Variants in LCT observed in about 807,000 individuals in gnomAD.
LCT encodes lactase.
Under a neutral mutation model 173.0 loss-of-function variants are expected in LCT, and 90 were observed. That is an observed-to-expected ratio of 0.52 (90% confidence interval 0.44 to 0.62). The LOEUF (loss-of-function observed/expected upper bound fraction) is 0.62. Among genes scored for constraint, LCT ranks in the 20% least tolerant of loss-of-function variants. LCT has a pLI of 0.00. For synonymous variants in LCT, 853 were observed against 957.6 expected (o/e 0.89, Z 2.02); for missense variants, 1,864 against 2,431.4 (o/e 0.77, Z 4.91).
chr2:135,817,769 C>T lies in LCT; in HGVS notation c.1279G>A (p.Glu427Lys). The change falls in exon 6 of 17, where the codon GAG (glutamate) becomes AAG (lysine). Residue 427 changes from glutamate to lysine, a missense_variant. Around this residue, in one of 4 missense-constraint regions of LCT, gnomAD observed 183 missense variants for 293.1 expected, o/e 0.62. Transcript: ENST00000264162. ...LNTTEGQATL[E>K]VASDSYHKVA... ...TTGTGGTAACTGTCGCTGGCCACCT[C>T]CAGCGTCGCTTGGCCCTCAGTGGTG... 3 of 1,613,974 alleles carry T rather than the reference C, an allele frequency of 1.9e-6. No individual in the cohort carries two copies. The highest frequency in any genetic ancestry group is 1.1e-5 in the South Asian group (1 of 91,090).
Position 135,809,953 on chromosome 2 carries a change from A to T in LCT, c.2394T>A (p.Ala798=), listed in dbSNP as rs1445841506. ...EDSVDVRSYI[A]RSLIDGFEGP... The stretch of plus-strand genomic sequence containing the variant: ...CTTCGAAGCCATCAATGAGGGAACG[A>T]GCAATGTAGGAACGAACATCCACAG... The change falls in exon 8 of 17, where the codon GCT becomes GCA. Residue 798 remains alanine (A), a synonymous_variant. Transcript: ENST00000264162. This position sits in a 1 kb window ranked among gnomAD's most constrained non-coding sequence, Gnocchi z 5.5. 1.2e-6 allele frequency: 2 copies of T among 1,614,124 alleles called. No homozygotes were observed. Among genetic ancestry groups the T allele is most frequent in the South Asian group, 2.2e-5 (2 of 91,084 alleles).
chr2:135,829,687 T>A lies in LCT; in HGVS notation c.721-11A>T, dbSNP rs1305214711. The A allele has an allele frequency of 1.3e-6, 2 of 1,577,734 alleles. No individual in the cohort carries two copies. The highest frequency in any genetic ancestry group is 1.7e-6 in the Non-Finnish European group (2 of 1,147,084). ...GAAATCGACCGTGTCCTGAAAATAGTAGTTAAATAGGGTCATTAGAACCTA... is the reference window on the plus strand; with the variant it reads ...GAAATCGACCGTGTCCTGAAAATAGAAGTTAAATAGGGTCATTAGAACCTA... On this transcript the variant is annotated splice_polypyrimidine_tract_variant and intron_variant, in intron 2 of 16. Coordinates refer to ENST00000264162, the MANE Select transcript of LCT (RefSeq NM_002299.4).
Position 135,836,951 on chromosome 2 carries a change from T to G in LCT, c.219A>C (p.Pro73=). 1 of 1,614,198 alleles carries G rather than the reference T, an allele frequency of 6.2e-7. No individual in the cohort carries two copies. The highest frequency in any genetic ancestry group is 8.5e-7 in the Non-Finnish European group (1 of 1,180,018). ...TGGCATGGAGACTGCTGAAGTATTC[T>G]GGCAGGAAAGTGGGCAGTGGCTGGT... ...VCHQPLPTFL[P]EYFSSLHASQ... The change falls in exon 1 of 17, where the codon CCA becomes CCC. Residue 73 remains proline (P), a synonymous_variant. Coordinates refer to ENST00000264162, the MANE Select transcript of LCT (RefSeq NM_002299.4).
intron 2 of LCT, among the ~76,000 whole-genome samples, chr2:135,831,439 C>G (rs138381871): frequency 6.6e-6 from 1 of 152,096 alleles, no homozygotes; most frequent in African/African-American, 2.4e-5. Flanking sequence ...TGGGATTCGT[C>G]CCACTCGGAA....
intron 14 of LCT, among the ~76,000 whole-genome samples, chr2:135,792,238 T>C (rs2105518434): frequency 6.6e-6 from 1 of 152,282 alleles, no homozygotes; most frequent in Non-Finnish European, 1.5e-5. Context: ...CTGTAGCCAC[T>C]CCCTGTCCCC....
intron 13 of LCT, among the ~76,000 whole-genome samples, chr2:135,796,428 A>AC (rs1407497363): frequency 1.3e-5 from 2 of 152,100 alleles, no homozygotes. Context: ...CAGGCCCTCC[A>AC]CCATGTGGCC....
chr2:135,829,516 CAA>C, intron 3 of LCT, 75 bp downstream of exon 3: 1 of 1,091,684 alleles, frequency 9.2e-7, no homozygotes, highest in South Asian at 1.2e-5. Context: ...ATGCAGTAGC[CAA>C]AGCATTAAAT....
chr2:135,810,728 G>GAA lies in LCT; in HGVS notation c.2354-737_2354-736dup, dbSNP rs36092483. Among the ~76,000 whole-genome samples, 1,753 of 145,886 alleles carry GAA rather than the reference G, an allele frequency of 0.012. 99 individuals carry two copies. The East Asian group carries it at 0.18, about 15-fold the overall frequency. On this transcript the variant is annotated intron_variant, in intron 7 of 16. Transcript: ENST00000264162. ...AACATGGCCAGACTCTGTCTCTATT[G>GAA]AAAAAAAAAAAAATGTGGCCAGGCG...
intron 9 of LCT, among the ~76,000 whole-genome samples, chr2:135,805,304 AT>A (rs1451462337): frequency 6.6e-6 from 1 of 152,166 alleles, no homozygotes; most frequent in Non-Finnish European, 1.5e-5. Context: ...TATAAAAAAA[AT>A]CAAAAAAATT....
intron 1 of LCT, among the ~76,000 whole-genome samples, chr2:135,835,357 T>TC (rs2077977290): frequency 6.6e-6 from 1 of 150,936 alleles, no homozygotes; most frequent in Non-Finnish European, 1.5e-5. Flanking sequence ...CCTCAAGCAA[T>TC]CCCCCTGCCT....
At chr2:135,828,530 T>C (rs950108752) in intron 3 of LCT, among the ~76,000 whole-genome samples, 1 of 152,092 alleles carries the variant, frequency 6.6e-6, no homozygotes, top group East Asian at 1.9e-4. Context: ...CCAGACATCC[T>C]TGGAAAGGCC....
In LCT at chr2:135,808,618, C is replaced by T. The variant is rs576038976; in HGVS notation, c.3729G>A (p.Thr1243=). 13 of 1,614,090 alleles carry T rather than the reference C, an allele frequency of 8.1e-6. No individual in the cohort carries two copies. The highest frequency in any genetic ancestry group is 5.5e-5 in the South Asian group (5 of 91,088). ...AEEEDPSWPS[T]AMNRAAPWGT... ...CCCAGGGCGCAGCTCTGTTCATTGC[C>T]GTGGAAGGCCACGAAGGGTCCTCCT... The change falls in exon 8 of 17, where the codon ACG becomes ACA. Residue 1243 remains threonine (T), a synonymous_variant. Coordinates refer to ENST00000264162, the MANE Select transcript of LCT (RefSeq NM_002299.4).
At chr2:135,813,033 CAA>C in intron 6 of LCT, 77 bp from the exon 7 acceptor site, 1 of 1,291,778 alleles carries the variant, frequency 7.7e-7, no homozygotes, top group Non-Finnish European at 1.1e-6. Flanking sequence ...GAACCAATAA[CAA>C]GTCAACAACA....
chr2:135,809,805 G>C lies in LCT; in HGVS notation c.2542C>G (p.Leu848Val), dbSNP rs772794521. 6.2e-6 allele frequency: 10 copies of C among 1,614,158 alleles called. No individual in the cohort carries two copies. In the East Asian group the frequency reaches 2.2e-4, roughly 36 times the overall value. Residue 848 changes from leucine to valine, a missense_variant, in exon 8 of 17, where the codon CTC (leucine) becomes GTC (valine). Coordinates refer to ENST00000264162, the MANE Select transcript of LCT (RefSeq NM_002299.4). This position sits in a 1 kb window ranked among gnomAD's most constrained non-coding sequence, Gnocchi z 5.5. ...FTSIIEKNGF[L>V]TKGAKRLLPP... is the part of the protein sequence containing the mutation. ...AGCAGTCTTTTTGCCCCCTTGGTGA[G>C]GAAACCGTTCTTTTCTATGATGCTA...
chr2:135,803,483 G>A (rs1018244005), intron 11 of LCT, among the ~76,000 whole-genome samples: 9 of 152,222 alleles, frequency 5.9e-5, no homozygotes, highest in African/African-American at 1.9e-4. Flanking sequence ...ACTTAGGAAT[G>A]TTTGCTCAGT....
chr2:135,830,772 C>T (rs951552507), intron 2 of LCT, among the ~76,000 whole-genome samples: 2 of 152,218 alleles, frequency 1.3e-5, no homozygotes, highest in Admixed American at 6.5e-5. Flanking sequence ...TGCCCACTCT[C>T]GCAGCTCTTC....
At chr2:135,819,547 C>T (rs527362567) in intron 5 of LCT, among the ~76,000 whole-genome samples, 3 of 152,190 alleles carry the variant, frequency 2.0e-5, no homozygotes, top group South Asian at 2.1e-4. Flanking sequence ...GTGACAGGAA[C>T]ACTGCACAGG....
chr2:135,817,231 A>G, intron 6 of LCT, 110 bp downstream of exon 6: 1 of 1,337,098 alleles, frequency 7.5e-7, no homozygotes, highest in South Asian at 1.4e-5. Context: ...TCCTTTAAAG[A>G]AAGAACAAAA....
At chr2:135,813,640 G>A (rs2077753641) in intron 6 of LCT, among the ~76,000 whole-genome samples, 1 of 152,196 alleles carries the variant, frequency 6.6e-6, no homozygotes, top group African/African-American at 2.4e-5. Flanking sequence ...CAAGAGTCAG[G>A]AGTAAAGTGA....
Sources: allele counts gnomAD v4.1 joint callset (sites outside exome capture counted in the v4.1 genomes callset), GRCh38; gene constraint gnomAD v4.1.1; regional missense constraint gnomAD v4.1.1; non-coding constraint Gnocchi (gnomAD v3.1); transcripts MANE v1.5; gene names NCBI Gene and HGNC (gene_info 2026-07-23, HGNC 2026-07-21).